FLRT2: variants seen among roughly 807,000 people sequenced by gnomAD.
The protein encoded by FLRT2 is leucine-rich repeat transmembrane protein FLRT2.
A neutral mutation model predicts 40.0 loss-of-function variants in FLRT2; 15 were observed. That is an observed-to-expected ratio of 0.38 (90% CI 0.25 to 0.58). The LOEUF is 0.58. Among genes scored for constraint, FLRT2 ranks in the 20% least tolerant of loss-of-function variants. The pLI, the probability that FLRT2 is intolerant of heterozygous loss-of-function variation, is 0.71. For synonymous variants in FLRT2, 380 were observed against 336.8 expected (o/e 1.13, Z -1.41); for missense variants, 726 against 840.0 (o/e 0.86, Z 1.68).
chr14:85,591,803 T>C (rs1891896570), intron 1 of FLRT2, among the ~76,000 whole-genome samples: 1 of 152,208 alleles, frequency 6.6e-6, no homozygotes, highest in Admixed American at 6.5e-5. Flanking sequence ...TAACTGCTCT[T>C]GATTTATTGA....
intron 1 of FLRT2, among the ~76,000 whole-genome samples, chr14:85,531,403 C>T (rs1024302033): frequency 1.3e-5 from 2 of 152,216 alleles, no homozygotes; most frequent in African/African-American, 4.8e-5. Context: ...GCCGCGCTGA[C>T]CAGTACGGGG....
chr14:85,551,189 A>G (rs1409566585), intron 1 of FLRT2, among the ~76,000 whole-genome samples: 1 of 152,232 alleles, frequency 6.6e-6, no homozygotes, highest in African/African-American at 2.4e-5. Context: ...ACTCCTAAAG[A>G]GAAAATGAAG....
At chr14:85,619,434 AC>A (rs1893286052) in intron 1 of FLRT2, among the ~76,000 whole-genome samples, 1 of 151,878 alleles carries the variant, frequency 6.6e-6, no homozygotes, top group African/African-American at 2.4e-5. Context: ...TCTCTATTTT[AC>A]CTGAAAAAAG....
chr14:85,557,252 GT>G (rs34327470), intron 1 of FLRT2, among the ~76,000 whole-genome samples: 9,870 of 147,762 alleles, frequency 0.067, 942 homozygotes, highest in African/African-American at 0.22. Context: ...AATTTCCAGT[GT>G]TTTTTTTTTT....
In FLRT2 at chr14:85,623,067, A is replaced by G. The variant is rs766070987; in HGVS notation, c.1553A>G (p.Tyr518Cys). Residue 518 changes from tyrosine (Y) to cysteine (C), a missense_variant, in exon 2 of 2, where the codon TAT becomes TGT. Tyr to Cys is a radical substitution (Grantham distance 194). Transcript: ENST00000330753. ...ICSEATTHAS[Y>C]LNNGSNTASS... ...TCAGAGGCCACCACCCATGCCTCCT[A>G]TCTGAACAACGGCAGCAACACAGCG... The G allele has an allele frequency of 1.9e-6, 3 of 1,614,050 alleles. No individual in the cohort carries two copies. In the African/African-American group the frequency reaches 4.0e-5, roughly 22 times the overall value.
intron 1 of FLRT2, among the ~76,000 whole-genome samples, chr14:85,587,577 ATT>A (rs945465204): frequency 3.4e-5 from 5 of 147,860 alleles, no homozygotes; most frequent in African/African-American, 1.2e-4. Flanking sequence ...TTGACCATGA[ATT>A]TTTTTTTTTT....
intron 1 of FLRT2, among the ~76,000 whole-genome samples, chr14:85,572,983 A>G (rs915102819): frequency 6.6e-6 from 1 of 151,992 alleles, no homozygotes; most frequent in African/African-American, 2.4e-5. Context: ...TACTACATAC[A>G]TGCCACACTT....
At chr14:85,602,514 C>T (rs768522228) in intron 1 of FLRT2, among the ~76,000 whole-genome samples, 2 of 152,210 alleles carry the variant, frequency 1.3e-5, no homozygotes, top group East Asian at 1.9e-4. Context: ...TGTCTTCCTC[C>T]GGGTTTGTTC....
chr14:85,577,570 T>C (rs1016024368), intron 1 of FLRT2, among the ~76,000 whole-genome samples: 2 of 151,984 alleles, frequency 1.3e-5, no homozygotes, highest in African/African-American at 4.8e-5. Flanking sequence ...CTACCTTCCA[T>C]GTGTGTTTTC....
intron 1 of FLRT2, among the ~76,000 whole-genome samples, chr14:85,607,467 A>G (rs1008653228): frequency 1.3e-5 from 2 of 152,230 alleles, no homozygotes; most frequent in Non-Finnish European, 2.9e-5. Flanking sequence ...GTCATTATTC[A>G]TTGAACAGAA....
At chr14:85,544,734 T>A (rs1566719053) in intron 1 of FLRT2, among the ~76,000 whole-genome samples, 1 of 152,180 alleles carries the variant, frequency 6.6e-6, no homozygotes, top group African/African-American at 2.4e-5. Context: ...TTACAGGAAG[T>A]TGGACTTTAG....
intron 1 of FLRT2, among the ~76,000 whole-genome samples, chr14:85,594,475 C>T (rs756442815): frequency 8.5e-5 from 13 of 152,118 alleles, no homozygotes; most frequent in Non-Finnish European, 1.9e-4. Context: ...ACCCTAGGTG[C>T]GGCTTAGCTT....
Position 85,641,109 on chromosome 14 carries a change from G to A in FLRT2, c.*17612G>A, listed in dbSNP as rs1206958478. On this transcript the variant is annotated 3_prime_UTR_variant, in exon 2 of 2. Coordinates refer to ENST00000330753, the MANE Select transcript of FLRT2 (RefSeq NM_013231.6). ...ATGACTTATTTCTGCGAAAACCCAC[G>A]AAAGTGAAAACTAACAATAGAGAAG... 1 of 152,130 alleles carries A rather than the reference G, an allele frequency of 6.6e-6. No individual in the cohort carries two copies. The highest frequency in any genetic ancestry group is 6.6e-5 in the Admixed American group (1 of 15,260). The allele number at this position is 152,130 out of a possible 1,614,324, so 9.4% of individuals were successfully genotyped here. A position where few individuals can be genotyped will look rare whatever the true frequency, so the allele number is the denominator to read the frequency against.
At chr14:85,615,774 C>T (rs538693917) in intron 1 of FLRT2, among the ~76,000 whole-genome samples, 1 of 152,380 alleles carries the variant, frequency 6.6e-6, no homozygotes, top group South Asian at 2.1e-4. Context: ...ATGCACTGTG[C>T]TGCCTTGTCA....
At position 85,640,622 on chromosome 14, in the gene FLRT2, T is replaced by G. The variant is rs984962627; in HGVS notation, c.*17125T>G. On this transcript the variant is annotated 3_prime_UTR_variant, in exon 2 of 2. Transcript: ENST00000330753. ...GATTGAACTACTTGCTGCCATAAAT[T>G]TTTTACTATTGAATAAATATGCTTT... The G allele has an allele frequency of 2.0e-5, 3 of 152,158 alleles. No homozygotes were observed. Among genetic ancestry groups the G allele is most frequent in the Admixed American group, 6.5e-5 (1 of 15,272 alleles). The allele number at this position is 152,158 out of a possible 1,614,324, so 9.4% of individuals were successfully genotyped here.
intron 1 of FLRT2, among the ~76,000 whole-genome samples, chr14:85,540,755 TAC>T (rs1888941350): frequency 6.6e-6 from 1 of 152,158 alleles, no homozygotes; most frequent in Non-Finnish European, 1.5e-5. Flanking sequence ...ACTTTAGCAG[TAC>T]ATTGTAAAGT....
At chr14:85,615,122 A>G (rs1893065179) in intron 1 of FLRT2, among the ~76,000 whole-genome samples, 1 of 152,186 alleles carries the variant, frequency 6.6e-6, no homozygotes, top group South Asian at 2.1e-4. Flanking sequence ...CCGTGCAGGC[A>G]GTAGTTGACG....
intron 1 of FLRT2, among the ~76,000 whole-genome samples, chr14:85,558,477 A>G (rs904556971): frequency 3.3e-5 from 5 of 152,226 alleles, no homozygotes; most frequent in Admixed American, 1.3e-4. Context: ...GTCGATATGC[A>G]TTATTAAATG....
In FLRT2 at chr14:85,605,700, C is replaced by T. The variant is rs559327224; in HGVS notation, c.-376-15439C>T. 1.2e-3 allele frequency among the ~76,000 whole-genome samples: 185 copies of T among 151,998 alleles called. 1 individual carries two copies. The highest frequency in any genetic ancestry group is 1.2e-3 in the Non-Finnish European group (79 of 67,968). On this transcript the variant is annotated intron_variant, in intron 1 of 1. Transcript: ENST00000330753. ...CAGGAGAATGGCATGAACTGGAGCT[C>T]GCAGTGAGCCAGGATCACACCACTG...
Sources: gnomAD v4.1 joint callset for allele counts (sites outside exome capture counted in the v4.1 genomes callset) on GRCh38, gnomAD v4.1.1 for gene constraint, MANE v1.5 for transcripts, NCBI Gene and HGNC (gene_info 2026-07-23, HGNC 2026-07-21) for gene names.